The following PPP2R5B variants were observed in gnomAD, a reference collection of about 807,000 sequenced individuals.
PPP2R5B encodes serine/threonine-protein phosphatase 2A 56 kDa regulatory subunit beta isoform.
A neutral mutation model predicts 59.9 loss-of-function variants in PPP2R5B; 19 were observed. The observed-to-expected ratio is 0.32, with a 90% CI of 0.22 to 0.47. PPP2R5B has a LOEUF of 0.47. Ranked by LOEUF, PPP2R5B falls within the 20% of genes least tolerant of loss-of-function variation. The probability of loss-of-function intolerance (pLI) is 1.00; values close to 1 mark genes in which losing one functional copy is unlikely to be tolerated. For missense variants in PPP2R5B, 441 were observed against 640.2 expected, an observed-to-expected ratio of 0.69 and a Z score of 3.36; for synonymous variants, 286 against 260.5, an observed-to-expected ratio of 1.10 and a Z score of -0.94.
At chr11:64,928,853 C>T (rs544935535) in intron 6 of PPP2R5B, among the ~76,000 whole-genome samples, 13 of 152,192 alleles carry the variant, frequency 8.5e-5, no homozygotes, top group African/African-American at 2.6e-4. Flanking sequence ...CACTGCAGTC[C>T]GCAGTCCGGC....
Position 64,930,602 on chromosome 11 carries a change from C to T in PPP2R5B, c.891+13C>T, listed in dbSNP as rs1441122122. 1.2e-6 allele frequency: 2 copies of T among 1,606,520 alleles called. No homozygotes were observed. ...CTTCCATGCCCAGGTGAGGCCCAGGCCTGTCCCTGCTGCAGCAGGAGCTCC... is the reference window on the plus strand; with the variant it reads ...CTTCCATGCCCAGGTGAGGCCCAGGTCTGTCCCTGCTGCAGCAGGAGCTCC... On this transcript the variant is annotated intron_variant, in intron 8 of 13. Coordinates refer to ENST00000164133, the MANE Select transcript of PPP2R5B (RefSeq NM_006244.4).
chr11:64,926,157 C>T lies in PPP2R5B; in HGVS notation c.199+224C>T, dbSNP rs186030864. ...AGAGGTGGGACATCCGAAGGTGGTG[C>T]CACCCTAGGGGCAGACCAAGGCCAA... On this transcript the variant is annotated intron_variant, in intron 2 of 13. Coordinates refer to ENST00000164133, the MANE Select transcript of PPP2R5B (RefSeq NM_006244.4). 2.3e-4 allele frequency among the ~76,000 whole-genome samples: 35 copies of T among 152,354 alleles called. No homozygotes were observed. The East Asian group carries it at 6.7e-3, about 29-fold the overall frequency.
Position 64,928,711 on chromosome 11 carries a change from C to T in PPP2R5B, c.722+286C>T, listed in dbSNP as rs553977154. ...AATTACTTGAACCCAGGTGAAACCC[C>T]GTCTCTACTAAAAATACAAAAAATT... On this transcript the variant is annotated intron_variant, in intron 6 of 13. Coordinates refer to ENST00000164133, the MANE Select transcript of PPP2R5B (RefSeq NM_006244.4). Among the ~76,000 whole-genome samples the T allele has an allele frequency of 2.6e-5, 4 of 152,320 alleles. No individual in the cohort carries two copies. In the South Asian group the frequency reaches 6.2e-4, roughly 24 times the overall value.
intron 4 of PPP2R5B, 79 bp from the exon 5 acceptor site, chr11:64,927,987 G>A: frequency 1.3e-6 from 2 of 1,568,416 alleles, no homozygotes; most frequent in Admixed American, 1.7e-5. Context: ...CCCCTAGACA[G>A]TTGGATGAGG....
Position 64,933,555 on chromosome 11 carries a change from G to A in PPP2R5B, c.1347-142G>A, listed in dbSNP as rs1432335493. The A allele has an allele frequency of 9.2e-6, 10 of 1,088,858 alleles. No homozygotes were observed. In the African/African-American group the frequency reaches 1.6e-4, roughly 17 times the overall value. The allele number at this position is 1,088,858 out of a possible 1,614,324, so 67.4% of individuals were successfully genotyped here. A position where few individuals can be genotyped will look rare whatever the true frequency, so the allele number is the denominator to read the frequency against. On this transcript the variant is annotated intron_variant, in intron 13 of 13. Transcript: ENST00000164133. The stretch of plus-strand genomic sequence containing the variant: ...TCCTCTGCTCTCTTCCCTCAGTAGA[G>A]GGTTTTTATGGAGTCACAGAACAAA...
At chr11:64,933,298 A>G in intron 13 of PPP2R5B, 52 bp downstream of exon 13, 1 of 1,468,040 alleles carries the variant, frequency 6.8e-7, no homozygotes, top group South Asian at 1.1e-5. Flanking sequence ...GGGAGGAGTC[A>G]GACCCCCATG....
rs142324941 is a variant in PPP2R5B, at chr11:64,930,348, A to G, written c.749A>G (p.Asn250Ser). Residue 250 changes from asparagine to serine, a missense_variant, in exon 7 of 14, where the codon AAT becomes AGT. By Grantham distance (46) the Asn-to-Ser change is conservative. Around this residue, in one of 3 missense-constraint regions of PPP2R5B, gnomAD observed 268 missense variants for 488.1 expected, o/e 0.55. Transcript: ENST00000164133. ...LRFIYEFEHF[N>S]GVAELLEILG... ...TTCATCTATGAATTCGAGCACTTCA[A>G]TGGTGTGGCTGAGCTGCTGGAGATC... 17 of 1,613,844 alleles carry G rather than the reference A, an allele frequency of 1.1e-5. No homozygotes were observed. The highest frequency in any genetic ancestry group is 5.3e-5 in the African/African-American group (4 of 74,866).
chr11:64,931,376 C>A lies in PPP2R5B; in HGVS notation c.892-60C>A, dbSNP rs1042107694. On this transcript the variant is annotated intron_variant, in intron 8 of 13. Transcript: ENST00000164133. The surrounding 1 kb of genome is among the most constrained non-coding windows in gnomAD (Gnocchi z 5.0). ...TGGCATTCTGTCCTGGACAGCAAGT[C>A]CTTGGCGCCTGGTGCCTTCCTGACC... The A allele has an allele frequency of 3.8e-6, 6 of 1,570,870 alleles. No individual in the cohort carries two copies. The highest frequency in any genetic ancestry group is 5.2e-6 in the Non-Finnish European group (6 of 1,143,526).
intron 4 of PPP2R5B, 23 bp from the exon 5 acceptor site, chr11:64,928,043 T>G: frequency 1.2e-6 from 2 of 1,611,444 alleles, no homozygotes; most frequent in Non-Finnish European, 1.7e-6. Flanking sequence ...GAACTCACCT[T>G]TTTGTCTGTC....
At position 64,933,956 on chromosome 11, in the gene PPP2R5B, C is replaced by A; in HGVS notation, c.*112C>A. 1 of 1,286,932 alleles carries A rather than the reference C, an allele frequency of 7.8e-7. No homozygotes were observed. The highest frequency in any genetic ancestry group is 1.0e-6 in the Non-Finnish European group (1 of 979,532). 79.7% of individuals were successfully genotyped at this position (1,286,932 alleles called of 1,614,324 possible). A position where few individuals can be genotyped will look rare whatever the true frequency, so the allele number is the denominator to read the frequency against. On this transcript the variant is annotated 3_prime_UTR_variant, in exon 14 of 14. Coordinates refer to ENST00000164133, the MANE Select transcript of PPP2R5B (RefSeq NM_006244.4). ...CCTACCCCTGGCCTTGCCAGAGTGG[C>A]TTCTGAGGACTCCCTGCCCAGCCCA...
intron 2 of PPP2R5B, 146 bp downstream of exon 2, chr11:64,926,079 C>T: frequency 6.5e-6 from 5 of 771,946 alleles, no homozygotes; most frequent in Non-Finnish European, 1.0e-5. Context: ...AGAACTGACC[C>T]CAGCCCTCCA....
At position 64,930,391 on chromosome 11, in the gene PPP2R5B, C is replaced by T; in HGVS notation, c.782+10C>T. 6.2e-7 allele frequency: 1 copy of T among 1,614,040 alleles called. No individual in the cohort carries two copies. The highest frequency in any genetic ancestry group is 8.5e-7 in the Non-Finnish European group (1 of 1,179,946). ...TGGAGATCCTAGGAAGGTGATTCTCCCTGGGCCTCAGCTGGAGCTCAGGAT... is the reference window on the plus strand; with the variant it reads ...TGGAGATCCTAGGAAGGTGATTCTCTCTGGGCCTCAGCTGGAGCTCAGGAT... On this transcript the variant is annotated intron_variant, in intron 7 of 13. Transcript: ENST00000164133.
intron 3 of PPP2R5B, among the ~76,000 whole-genome samples, chr11:64,927,264 C>T (rs1364026174): frequency 6.6e-6 from 1 of 152,224 alleles, no homozygotes; most frequent in Non-Finnish European, 1.5e-5. Flanking sequence ...TTGTTCTCCC[C>T]ACTGGATTGC....
In PPP2R5B at chr11:64,933,116, T is replaced by C. The variant is rs77348836; in HGVS notation, c.1245-29T>C. 2.6e-3 allele frequency: 4,067 copies of C among 1,574,190 alleles called. 11 individuals are homozygous for C. Among genetic ancestry groups the C allele is most frequent in the Non-Finnish European group, 3.2e-3 (3,673 of 1,144,696 alleles). On this transcript the variant is annotated intron_variant, in intron 12 of 13. Transcript: ENST00000164133. ...AGGTGGGCAAACCAAAGCTGTTTCATCTCCTCATCCCTCCTTGACACTGCC... is the reference window on the plus strand; with the variant it reads ...AGGTGGGCAAACCAAAGCTGTTTCACCTCCTCATCCCTCCTTGACACTGCC...
chr11:64,927,672 G>A (rs1945182650), intron 3 of PPP2R5B, 130 bp from the exon 4 acceptor site: 20 of 702,300 alleles, frequency 2.8e-5, no homozygotes, highest in Non-Finnish European at 4.5e-5. Context: ...GTACCACTGC[G>A]CTCCAGCTTG....
At position 64,919,225 on chromosome 11, in the gene PPP2R5B, C is replaced by T. The variant is rs622214; in HGVS notation, c.-265+1585C>T. Among the ~76,000 whole-genome samples the T allele has an allele frequency of 1.5e-4, 23 of 152,256 alleles. 1 individual carries two copies. Among genetic ancestry groups the T allele is most frequent in the African/African-American group, 5.1e-4 (21 of 41,542 alleles). On this transcript the variant is annotated intron_variant, in intron 1 of 4. Transcript: ENST00000526559. ...GAGTGTGATGGCGGGCGCCTGTAGT[C>T]CCAGCTACTCGGGAGGCTGAGGCAG...
intron 3 of PPP2R5B, 78 bp downstream of exon 3, chr11:64,926,986 CG>C: frequency 6.7e-7 from 1 of 1,499,190 alleles, no homozygotes; most frequent in Non-Finnish European, 9.0e-7. Flanking sequence ...AGGACCCCTG[CG>C]TGGAGAATAA....
intron 6 of PPP2R5B, 136 bp downstream of exon 6, chr11:64,928,561 A>G (rs920037498): frequency 2.9e-6 from 4 of 1,356,674 alleles, no homozygotes; most frequent in Middle Eastern, 2.3e-4. Context: ...TGGATCACCT[A>G]AGGTGAGGAG....
In PPP2R5B at chr11:64,930,367, G is replaced by A; in HGVS notation, c.768G>A (p.Leu256=). The change falls in exon 7 of 14, where the codon CTG becomes CTA. Residue 256 remains leucine, a synonymous_variant. Coordinates refer to ENST00000164133, the MANE Select transcript of PPP2R5B (RefSeq NM_006244.4). ...FEHFNGVAEL[L]EILGSIINGF... Reference sequence around the variant, plus strand: ...ACTTCAATGGTGTGGCTGAGCTGCTGGAGATCCTAGGAAGGTGATTCTCCC... The same window carrying A: ...ACTTCAATGGTGTGGCTGAGCTGCTAGAGATCCTAGGAAGGTGATTCTCCC... The A allele has an allele frequency of 6.2e-7, 1 of 1,613,864 alleles. No individual in the cohort carries two copies. Among genetic ancestry groups the A allele is most frequent in the Non-Finnish European group, 8.5e-7 (1 of 1,179,870 alleles).
Sources: allele counts gnomAD v4.1 joint callset (sites outside exome capture counted in the v4.1 genomes callset), GRCh38; gene constraint gnomAD v4.1.1; regional missense constraint gnomAD v4.1.1; non-coding constraint Gnocchi (gnomAD v3.1); transcripts MANE v1.5; gene names NCBI Gene and HGNC (gene_info 2026-07-23, HGNC 2026-07-21).